Variants in PGLYRP3 observed in about 807,000 individuals in gnomAD.
PGLYRP3 encodes peptidoglycan recognition protein I alpha.
A neutral mutation model predicts 36.0 loss-of-function variants in PGLYRP3; 39 were observed. The ratio of observed to expected loss-of-function variants is 1.08; its 90% CI spans 0.84 to 1.41. PGLYRP3 has a LOEUF of 1.41. Among genes scored for constraint, PGLYRP3 ranks in the 40% most tolerant of loss-of-function variants. PGLYRP3 has a pLI of 0.00. For synonymous variants in PGLYRP3, 204 were observed against 172.8 expected (o/e 1.18, Z -1.42); for missense variants, 407 against 427.9 (o/e 0.95, Z 0.43).
At chr1:153,307,361 G>A (rs561905779) in intron 2 of PGLYRP3, 94 bp from the exon 3 acceptor site, 66 of 1,235,968 alleles carry the variant, frequency 5.3e-5, no homozygotes, top group Admixed American at 3.9e-4. Context: ...GCTCAGGCCC[G>A]ACCTGCCCCA....
intron 4 of PGLYRP3, 92 bp downstream of exon 4, chr1:153,304,855 G>T: frequency 1.1e-6 from 1 of 902,050 alleles, no homozygotes. Flanking sequence ...TAAGTATGAT[G>T]TAGGGTAAAA....
chr1:153,310,530 G>T, intron 2 of PGLYRP3, 81 bp downstream of exon 2: 1 of 1,422,916 alleles, frequency 7.0e-7, no homozygotes, highest in Non-Finnish European at 9.9e-7. Context: ...AAAGCACTCG[G>T]ATGGGTTTCT....
At position 153,305,052 on chromosome 1, in the gene PGLYRP3, C is replaced by T; in HGVS notation, c.271G>A (p.Asp91Asn). 6.2e-7 allele frequency: 1 copy of T among 1,611,408 alleles called. No homozygotes were observed. Among genetic ancestry groups the T allele is most frequent in the Non-Finnish European group, 8.5e-7 (1 of 1,178,844 alleles). ...CDVAYNFLVG[D>N]DGRVYEGVGW... ...ACACCTTCATACACCCTGCCATCAT[C>T]CCCAACCAGGAAGCTGACAAGAAGG... Residue 91 changes from aspartate to asparagine, a missense_variant, in exon 4 of 8, where the codon GAT becomes AAT. By Grantham distance (23) the Asp-to-Asn change is conservative. Coordinates refer to ENST00000683862, the MANE Select transcript of PGLYRP3 (RefSeq NM_052891.3).
intron 2 of PGLYRP3, 78 bp downstream of exon 2, chr1:153,310,533 G>C: frequency 7.0e-7 from 1 of 1,433,472 alleles, no homozygotes; most frequent in South Asian, 1.1e-5. Context: ...GCACTCGGAT[G>C]GGTTTCTATT....
rs972417389 is a variant in PGLYRP3, at chr1:153,297,229, T to C, written c.*727A>G. Among the ~76,000 whole-genome samples the C allele has an allele frequency of 3.9e-5, 6 of 152,026 alleles. No individual in the cohort carries two copies. Among genetic ancestry groups the C allele is most frequent in the African/African-American group, 7.3e-5 (3 of 41,376 alleles). ...GATGAATAAAATAGAATTCCTCCCT[T>C]GGAGAAACTTACAACCCAGAGGAGA... On this transcript the variant is annotated 3_prime_UTR_variant, in exon 8 of 8. Coordinates refer to ENST00000683862, the MANE Select transcript of PGLYRP3 (RefSeq NM_052891.3).
intron 2 of PGLYRP3, among the ~76,000 whole-genome samples, chr1:153,310,220 T>A (rs1365204860): frequency 6.6e-6 from 1 of 152,168 alleles, no homozygotes; most frequent in Non-Finnish European, 1.5e-5. Flanking sequence ...AAGTGCTGGG[T>A]TTAACTATGA....
intron 3 of PGLYRP3, among the ~76,000 whole-genome samples, chr1:153,306,232 C>T (rs777464438): frequency 2.6e-5 from 4 of 152,202 alleles, no homozygotes; most frequent in Non-Finnish European, 5.9e-5. Context: ...CTTAGATTTT[C>T]CTTTCCAAAA....
At position 153,304,950 on chromosome 1, in the gene PGLYRP3, T is replaced by G. The variant is rs779737144; in HGVS notation, c.373A>C (p.Ile125Leu). ...SLGIAFFGNK[I>L]GSSPSPAALS... Reference sequence around the variant, plus strand: ...GTCCGCAGGGAGTGACCCTTACCTATCTTATTGCCAAAGAAGGCGATGCCC... The same window carrying G: ...GTCCGCAGGGAGTGACCCTTACCTAGCTTATTGCCAAAGAAGGCGATGCCC... Residue 125 changes from isoleucine (I) to leucine (L), a missense_variant, in exon 4 of 8, where the codon ATA (isoleucine) becomes CTA (leucine). Transcript: ENST00000683862. The G allele has an allele frequency of 1.9e-6, 3 of 1,612,852 alleles. No homozygotes were observed. The highest frequency in any genetic ancestry group is 2.5e-6 in the Non-Finnish European group (3 of 1,179,296).
rs1260403160 is a variant in PGLYRP3, at chr1:153,310,600, A to C, written c.55+11T>G. 1 of 1,613,988 alleles carries C rather than the reference A, an allele frequency of 6.2e-7. No homozygotes were observed. The highest frequency in any genetic ancestry group is 8.5e-7 in the Non-Finnish European group (1 of 1,179,856). ...TCAAAAGCACTTCTGATGCAAGTAA[A>C]TAAAACTTACCCCAAGCCTGGAGAC... is the stretch of plus-strand genomic sequence containing the variant. On this transcript the variant is annotated intron_variant, in intron 2 of 7. Transcript: ENST00000683862.
rs369502719 is a variant in PGLYRP3 at position 153,298,011 on chromosome 1, G to C, written c.971C>G (p.Ser324Cys). Residue 324 changes from serine (S) to cysteine (C), a missense_variant, in exon 8 of 8, where the codon TCC becomes TGC. Transcript: ENST00000683862. ...MGHSDVVNIL[S>C]PGQALYNIIS... Reference sequence around the variant, plus strand: ...GATGTTATACAAAGCCTGCCCAGGGGACAGGATGTTGACCACGTCACTGTG... The same window carrying C: ...GATGTTATACAAAGCCTGCCCAGGGCACAGGATGTTGACCACGTCACTGTG... The C allele has an allele frequency of 6.2e-7, 1 of 1,614,090 alleles. No individual in the cohort carries two copies. Among genetic ancestry groups the C allele is most frequent in the Non-Finnish European group, 8.5e-7 (1 of 1,180,026 alleles).
At chr1:153,302,343 TC>T in intron 6 of PGLYRP3, 65 bp downstream of exon 6, 1 of 1,550,388 alleles carries the variant, frequency 6.4e-7, no homozygotes, top group Non-Finnish European at 8.9e-7. Flanking sequence ...ATCAGTTCCC[TC>T]CCACAGCCTT....
At chr1:153,303,814 G>A (rs771102729) in intron 5 of PGLYRP3, 43 bp downstream of exon 5, 1 of 1,577,196 alleles carries the variant, frequency 6.3e-7, no homozygotes, top group Non-Finnish European at 8.7e-7. Flanking sequence ...AACATGGCTA[G>A]GTGGTGACGA....
chr1:153,310,632 T>A lies in PGLYRP3; in HGVS notation c.34A>T (p.Ile12Phe), dbSNP rs755230803. 3 of 1,614,130 alleles carry A rather than the reference T, an allele frequency of 1.9e-6. No individual in the cohort carries two copies. The highest frequency in any genetic ancestry group is 2.5e-6 in the Non-Finnish European group (3 of 1,179,992). Residue 12 changes from isoleucine to phenylalanine, a missense_variant, in exon 2 of 8, where the codon ATT becomes TTT. By Grantham distance (21) the Ile-to-Phe change is conservative. Transcript: ENST00000683862. ...TTACCCCAAGCCTGGAGACCCAGAA[T>A]GAAGAAGGCAAGAAGCCATGGCAGC... ...GTLPWLLAFFILGLQAWDTPT... is the reference protein window; with the variant it reads ...GTLPWLLAFFFLGLQAWDTPT...
chr1:153,305,073 G>A lies in PGLYRP3; in HGVS notation c.258-8C>T, dbSNP rs975195815. On this transcript the variant is annotated splice_polypyrimidine_tract_variant and splice_region_variant and intron_variant, in intron 3 of 7. Transcript: ENST00000683862. ...TCATCCCCAACCAGGAAGCTGACAA[G>A]AAGGAAATAATGATTTTACTGCAAA... 1.2e-6 allele frequency: 2 copies of A among 1,601,512 alleles called. No homozygotes were observed. Among genetic ancestry groups the A allele is most frequent in the South Asian group, 1.1e-5 (1 of 89,300 alleles).
intron 6 of PGLYRP3, among the ~76,000 whole-genome samples, chr1:153,300,654 T>C (rs1416787718): frequency 6.6e-6 from 1 of 152,236 alleles, no homozygotes; most frequent in Non-Finnish European, 1.5e-5. Flanking sequence ...AGCTTGTTAC[T>C]AGTCACAAGG....
intron 2 of PGLYRP3, among the ~76,000 whole-genome samples, chr1:153,308,524 G>A (rs1372747252): frequency 6.6e-6 from 1 of 152,166 alleles, no homozygotes; most frequent in Non-Finnish European, 1.5e-5. Flanking sequence ...TGCGACCCTT[G>A]TGAATGAACT....
intron 3 of PGLYRP3, among the ~76,000 whole-genome samples, chr1:153,306,464 G>A (rs544886505): frequency 6.6e-6 from 1 of 152,198 alleles, no homozygotes; most frequent in South Asian, 2.1e-4. Context: ...TCTCCTCCCC[G>A]CCATTCCCAA....
intron 1 of PGLYRP3, among the ~76,000 whole-genome samples, chr1:153,312,152 A>G (rs775269326): frequency 1.3e-5 from 2 of 152,188 alleles, no homozygotes; most frequent in Non-Finnish European, 2.9e-5. Context: ...TGGTCATATC[A>G]TACATCCAAA....
Position 153,307,266 on chromosome 1 carries a change from A to G in PGLYRP3, c.57T>C (p.Asp19=), listed in dbSNP as rs771903833. ...AFFILGLQAW[D]TPTIVSRKEW... ...CCTTGCGGGAGACGATGGTGGGAGT[A>G]TCTGTAGGGAAGACCACAGAATGGC... Residue 19 remains aspartate (D), a splice_region_variant and synonymous_variant, in exon 3 of 8, where the codon GAT becomes GAC. Transcript: ENST00000683862. The G allele has an allele frequency of 6.3e-7, 1 of 1,594,388 alleles. No homozygotes were observed.
Sources: gnomAD v4.1 joint callset for allele counts (sites outside exome capture counted in the v4.1 genomes callset) on GRCh38, gnomAD v4.1.1 for gene constraint, MANE v1.5 for transcripts, NCBI Gene and HGNC (gene_info 2026-07-23, HGNC 2026-07-21) for gene names.